Variants in MARCHF8 observed in about 807,000 individuals in gnomAD.
The protein encoded by MARCHF8 is E3 ubiquitin-protein ligase MARCHF8.
MARCHF8 carries 40 observed loss-of-function variants against 51.6 expected under a neutral mutation model. The observed-to-expected ratio is 0.77, with a 90% CI of 0.60 to 1.01. The LOEUF (loss-of-function observed/expected upper bound fraction) is 1.01. MARCHF8 is among the 50% of genes least tolerant of loss of function. MARCHF8 has a pLI of 0.00. For missense variants in MARCHF8, 685 were observed against 708.6 expected, an observed-to-expected ratio of 0.97 and a Z score of 0.38; for synonymous variants, 263 against 280.3, an observed-to-expected ratio of 0.94 and a Z score of 0.62.
intron 3 of MARCHF8, among the ~76,000 whole-genome samples, chr10:45,486,409 C>G (rs545039255): frequency 1.3e-5 from 2 of 152,174 alleles, no homozygotes; most frequent in East Asian, 3.9e-4. Context: ...ACTAAAAATA[C>G]AAAAATTAGC....
At chr10:45,544,000 C>T (rs1009195707) in intron 1 of MARCHF8, among the ~76,000 whole-genome samples, 1 of 151,772 alleles carries the variant, frequency 6.6e-6, no homozygotes, top group Non-Finnish European at 1.5e-5. Context: ...CCCATGTGTT[C>T]GAGGCTACAG....
chr10:45,540,825 T>C, intron 1 of MARCHF8, among the ~76,000 whole-genome samples: 1 of 152,158 alleles, frequency 6.6e-6, no homozygotes, highest in Non-Finnish European at 1.5e-5. Context: ...AAAATGCTCA[T>C]CATCACTGGC....
chr10:45,589,401 TAA>T, intron 1 of MARCHF8, among the ~76,000 whole-genome samples: 1 of 152,112 alleles, frequency 6.6e-6, no homozygotes, highest in Non-Finnish European at 1.5e-5. Flanking sequence ...GCATCTTTGT[TAA>T]AAAAAATTTC....
intron 2 of MARCHF8, among the ~76,000 whole-genome samples, chr10:45,503,477 A>G (rs999619001): frequency 6.6e-6 from 1 of 152,120 alleles, no homozygotes; most frequent in African/African-American, 2.4e-5. Flanking sequence ...CAGAGGTTGC[A>G]GTGAGCCGAG....
rs186013811 is a variant in MARCHF8 at position 45,477,680 on chromosome 10, G to A, written c.153+11687C>T. On this transcript the variant is annotated intron_variant, in intron 3 of 7. Coordinates refer to ENST00000453424, the MANE Select transcript of MARCHF8 (RefSeq NM_001282866.2). ...ATATGCTGTGTACAAGAAGCTCATC[G>A]CACCTGTACAGACACATATAGACTT... Among the ~76,000 whole-genome samples the A allele has an allele frequency of 3.7e-4, 57 of 152,142 alleles. No individual in the cohort carries two copies. The East Asian group carries it at 4.2e-3, about 11-fold the overall frequency.
At chr10:45,527,413 C>G (rs1554816016) in intron 2 of MARCHF8, among the ~76,000 whole-genome samples, 1 of 151,962 alleles carries the variant, frequency 6.6e-6, no homozygotes, top group Admixed American at 6.6e-5. Context: ...TAAGCACAAT[C>G]AGAAATGAAA....
intron 1 of MARCHF8, among the ~76,000 whole-genome samples, chr10:45,549,517 C>G (rs2044170352): frequency 6.6e-6 from 1 of 152,156 alleles, no homozygotes; most frequent in South Asian, 2.1e-4. Context: ...ACACATGGTG[C>G]CTCTGCTTGC....
At chr10:45,511,419 C>T (rs2043500759) in intron 2 of MARCHF8, among the ~76,000 whole-genome samples, 1 of 152,148 alleles carries the variant, frequency 6.6e-6, no homozygotes, top group African/African-American at 2.4e-5. Context: ...CCCACGGTCT[C>T]CCTCTCCCTC....
At chr10:45,522,840 G>C (rs916500890) in intron 2 of MARCHF8, among the ~76,000 whole-genome samples, 4 of 152,172 alleles carry the variant, frequency 2.6e-5, no homozygotes, top group Admixed American at 2.6e-4. Context: ...CTATGCAAAA[G>C]TGGTATGGAA....
chr10:45,588,172 A>C (rs2044637948), intron 1 of MARCHF8, among the ~76,000 whole-genome samples: 1 of 152,138 alleles, frequency 6.6e-6, no homozygotes, highest in Admixed American at 6.5e-5. Context: ...AGTAAAAAAA[A>C]AAAAAGAAAA....
intron 3 of MARCHF8, among the ~76,000 whole-genome samples, chr10:45,487,438 C>T (rs984347916): frequency 1.3e-5 from 2 of 152,192 alleles, no homozygotes; most frequent in South Asian, 4.1e-4. Flanking sequence ...TGTTACTGAG[C>T]GTTTTTTAAC....
intron 1 of MARCHF8, among the ~76,000 whole-genome samples, chr10:45,582,345 C>A (rs757816217): frequency 9.6e-4 from 146 of 152,190 alleles, no homozygotes; most frequent in Non-Finnish European, 1.8e-3. Flanking sequence ...ATGAAACCAG[C>A]CTAATTATTC....
intron 2 of MARCHF8, among the ~76,000 whole-genome samples, chr10:45,511,068 A>T (rs1243656129): frequency 6.6e-6 from 1 of 152,124 alleles, no homozygotes; most frequent in Non-Finnish European, 1.5e-5. Context: ...TACATATAAC[A>T]TATGATTAGA....
At chr10:45,502,655 A>G (rs552611976) in intron 2 of MARCHF8, among the ~76,000 whole-genome samples, 4 of 152,354 alleles carry the variant, frequency 2.6e-5, no homozygotes, top group African/African-American at 9.6e-5. Context: ...TTTTTCAAAT[A>G]TTGACAAAAG....
exon 1 of MARCHF8, chr10:45,594,320 C>T (rs2044712607): frequency 6.6e-6 from 1 of 152,256 alleles, no homozygotes; most frequent in Non-Finnish European, 1.5e-5. Flanking sequence ...GATCACTAGT[C>T]CGAGCTTCCA....
At position 45,464,311 on chromosome 10, in the gene MARCHF8, G is replaced by C. The variant is rs1160996189; in HGVS notation, c.170C>G (p.Ser57Ter). ...SNISKAGSPP[S>*]ASAPAPVSSF... The stretch of plus-strand genomic sequence containing the variant: ...GGACACCGGAGCCGGAGCTGATGCT[G>C]ACGGAGGACTCCCAGCCTGCAATGA... Residue 57 changes from serine (S) to a stop codon, truncating the protein, a stop_gained, in exon 4 of 8, where the codon TCA becomes TGA. Transcript: ENST00000453424. LOFTEE classifies it high-confidence loss of function. The C allele has an allele frequency of 2.1e-5, 34 of 1,614,206 alleles. No homozygotes were observed. The highest frequency in any genetic ancestry group is 2.6e-5 in the Non-Finnish European group (31 of 1,180,030).
chr10:45,523,459 GGCTGCAGTGA>G (rs2043742083), intron 2 of MARCHF8, among the ~76,000 whole-genome samples: 1 of 152,218 alleles, frequency 6.6e-6, no homozygotes, highest in African/African-American at 2.4e-5. Flanking sequence ...AGCAGTTCAA[GGCTGCAGTGA>G]GCTATGATCA....
intron 1 of MARCHF8, among the ~76,000 whole-genome samples, chr10:45,557,194 C>G (rs573814980): frequency 4.6e-5 from 6 of 131,666 alleles, no homozygotes; most frequent in Admixed American, 9.1e-5. Flanking sequence ...ATGGAACAAT[C>G]TCGGCTCACT....
chr10:45,501,621 C>T (rs112607983), intron 2 of MARCHF8, among the ~76,000 whole-genome samples: 1 of 152,066 alleles, frequency 6.6e-6, no homozygotes, highest in African/African-American at 2.4e-5. Context: ...AAGCAGGATC[C>T]ATTTAAGAAA....
Sources: gnomAD v4.1 joint callset for allele counts (sites outside exome capture counted in the v4.1 genomes callset) on GRCh38, gnomAD v4.1.1 for gene constraint, MANE v1.5 for transcripts, NCBI Gene and HGNC (gene_info 2026-07-23, HGNC 2026-07-21) for gene names.